Variants in INPP4B observed in about 807,000 individuals in gnomAD.
INPP4B encodes the protein inositol polyphosphate 4-phosphatase type II.
A neutral mutation model predicts 122.5 loss-of-function variants in INPP4B; 55 were observed. That is an observed-to-expected ratio of 0.45 (90% confidence interval 0.36 to 0.56). The LOEUF (loss-of-function observed/expected upper bound fraction) is 0.56, where lower values mean the gene tolerates loss of function less well. Among genes scored for constraint, INPP4B ranks in the 20% least tolerant of loss-of-function variants. The pLI, the probability that INPP4B is intolerant of heterozygous loss-of-function variation, is 0.00. For missense variants in INPP4B, 1,000 were observed against 1,097.7 expected (o/e 0.91, Z 1.26); for synonymous variants, 403 against 388.7 (o/e 1.04, Z -0.43).
Position 142,207,390 on chromosome 4 carries a change from C to A in INPP4B, c.1072+1035G>T, listed in dbSNP as rs937127152. Among the ~76,000 whole-genome samples, 4 of 152,030 alleles carry A rather than the reference C, an allele frequency of 2.6e-5. No individual in the cohort carries two copies. In the East Asian group the frequency reaches 7.7e-4, roughly 29 times the overall value. Reference sequence around the variant, plus strand: ...TTTGTTTTTACCATAGTGGCTATACCAGTTTACATTTTCACTAACGGTGTA... The same window carrying A: ...TTTGTTTTTACCATAGTGGCTATACAAGTTTACATTTTCACTAACGGTGTA... On this transcript the variant is annotated intron_variant, in intron 14 of 25. Coordinates refer to ENST00000262992, the MANE Select transcript of INPP4B (RefSeq NM_001101669.3).
chr4:142,704,968 T>A (rs937157843), intron 2 of INPP4B, among the ~76,000 whole-genome samples: 1 of 152,216 alleles, frequency 6.6e-6, no homozygotes, highest in East Asian at 1.9e-4. Context: ...CTGAATTTAA[T>A]GCATTTCTCA....
intron 15 of INPP4B, among the ~76,000 whole-genome samples, chr4:142,184,341 C>A (rs2152987955): frequency 6.6e-6 from 1 of 152,266 alleles, no homozygotes; most frequent in South Asian, 2.1e-4. Context: ...TTTTCCCTAG[C>A]TAGTGAGGTG....
intron 2 of INPP4B, among the ~76,000 whole-genome samples, chr4:142,528,743 C>A (rs963034875): frequency 2.5e-4 from 38 of 152,064 alleles, no homozygotes; most frequent in Admixed American, 2.6e-4. Flanking sequence ...GACCGTGTTG[C>A]AAGCTGAACT....
At chr4:142,198,079 G>T (rs554472846) in intron 14 of INPP4B, among the ~76,000 whole-genome samples, 1 of 152,114 alleles carries the variant, frequency 6.6e-6, no homozygotes, top group Non-Finnish European at 1.5e-5. Flanking sequence ...ACATCAAAAA[G>T]AAGACTAAAC....
chr4:142,595,324 C>T (rs1738465076), intron 2 of INPP4B, among the ~76,000 whole-genome samples: 1 of 151,868 alleles, frequency 6.6e-6, no homozygotes, highest in Non-Finnish European at 1.5e-5. Flanking sequence ...CACCTTCTTG[C>T]TAAAAGATTC....
chr4:142,549,848 T>C (rs554257124), intron 2 of INPP4B, among the ~76,000 whole-genome samples: 151 of 152,330 alleles, frequency 9.9e-4, no homozygotes, highest in Non-Finnish European at 1.6e-3. Flanking sequence ...TCTGGCTTTG[T>C]TCCAGAGCTC....
chr4:142,217,980 C>T (rs1008818259), intron 12 of INPP4B, among the ~76,000 whole-genome samples: 1 of 152,088 alleles, frequency 6.6e-6, no homozygotes, highest in Admixed American at 6.6e-5. Flanking sequence ...ACTCACCCTG[C>T]AAATCTTGGG....
At chr4:142,551,440 C>G (rs1174927091) in intron 2 of INPP4B, among the ~76,000 whole-genome samples, 1 of 152,126 alleles carries the variant, frequency 6.6e-6, no homozygotes. Context: ...GGTAAAGAGA[C>G]AAGGCAGGAA....
intron 1 of INPP4B, among the ~76,000 whole-genome samples, chr4:142,791,145 G>C (rs1344720102): frequency 6.6e-6 from 1 of 152,156 alleles, no homozygotes; most frequent in African/African-American, 2.4e-5. Flanking sequence ...AATAGAGATA[G>C]AGAATATTGC....
intron 2 of INPP4B, among the ~76,000 whole-genome samples, chr4:142,660,422 G>A (rs952597625): frequency 6.6e-6 from 1 of 151,960 alleles, no homozygotes; most frequent in African/African-American, 2.4e-5. Flanking sequence ...CTGAACCCCT[G>A]GAACTCCTTT....
intron 11 of INPP4B, among the ~76,000 whole-genome samples, chr4:142,257,357 C>T (rs1736817597): frequency 6.6e-6 from 1 of 151,910 alleles, no homozygotes; most frequent in South Asian, 2.1e-4. Flanking sequence ...CTGGCCAGGG[C>T]AATTAGGCAG....
At chr4:142,537,664 C>T (rs1486259798) in intron 2 of INPP4B, among the ~76,000 whole-genome samples, 4 of 150,814 alleles carry the variant, frequency 2.7e-5, no homozygotes, top group East Asian at 1.9e-4. Context: ...TTCATTTTAA[C>T]GGTGAGAGAT....
intron 7 of INPP4B, among the ~76,000 whole-genome samples, chr4:142,316,377 G>C (rs6816219): frequency 0.12 from 18,272 of 152,148 alleles, 1,338 homozygotes; most frequent in Middle Eastern, 0.2. Context: ...AAAGGACAAG[G>C]AAACTATACG....
At chr4:142,648,645 G>A (rs995278981) in intron 2 of INPP4B, among the ~76,000 whole-genome samples, 8 of 152,344 alleles carry the variant, frequency 5.3e-5, no homozygotes, top group African/African-American at 1.9e-4. Flanking sequence ...TGAGGCTTGA[G>A]TAGGTAAACA....
intron 5 of INPP4B, among the ~76,000 whole-genome samples, chr4:142,417,362 G>A (rs1341480699): frequency 1.3e-5 from 2 of 152,106 alleles, no homozygotes; most frequent in African/African-American, 4.8e-5. Flanking sequence ...AAAAGTTGAG[G>A]GCCATAGATT....
rs970769078 is a variant in INPP4B at position 142,410,216 on chromosome 4, G to C, written c.137-4892C>G. On this transcript the variant is annotated intron_variant, in intron 5 of 25. Transcript: ENST00000262992. The stretch of plus-strand genomic sequence containing the variant: ...CAGCAACACTGCTCGAATTCAAGTA[G>C]TTGTAAAGCATACATTAGACAAGGG... Among the ~76,000 whole-genome samples, 4 of 152,210 alleles carry C rather than the reference G, an allele frequency of 2.6e-5. No individual in the cohort carries two copies. The East Asian group carries it at 7.7e-4, about 29-fold the overall frequency.
intron 18 of INPP4B, among the ~76,000 whole-genome samples, chr4:142,133,685 C>A (rs1015243047): frequency 6.6e-6 from 1 of 152,210 alleles, no homozygotes; most frequent in African/African-American, 2.4e-5. Flanking sequence ...CTTCTACTCT[C>A]CTACCATCAT....
intron 23 of INPP4B, among the ~76,000 whole-genome samples, chr4:142,088,265 T>C (rs1479487357): frequency 6.6e-6 from 1 of 152,118 alleles, no homozygotes; most frequent in East Asian, 1.9e-4. Flanking sequence ...GACAATAAGG[T>C]TGCTTTTTAA....
intron 16 of INPP4B, among the ~76,000 whole-genome samples, chr4:142,172,679 TAA>T (rs958439898): frequency 1.8e-4 from 27 of 152,122 alleles, no homozygotes; most frequent in African/African-American, 6.5e-4. Context: ...TAAATAAGCA[TAA>T]GATATTATTA....
Sources: gnomAD v4.1 joint callset for allele counts (sites outside exome capture counted in the v4.1 genomes callset) on GRCh38, gnomAD v4.1.1 for gene constraint, MANE v1.5 for transcripts, NCBI Gene and HGNC (gene_info 2026-07-23, HGNC 2026-07-21) for gene names.